EFCAB14: variants seen among roughly 807,000 people sequenced by gnomAD.
EFCAB14 encodes EF-hand calcium binding domain 14, also known as EF-hand calcium-binding domain-containing protein 14.
In EFCAB14, 43 loss-of-function variants were observed where a neutral mutation model predicts 56.5. The observed-to-expected ratio is 0.76, with a 90% CI of 0.60 to 0.98. EFCAB14 has a LOEUF of 0.98. Among genes scored for constraint, EFCAB14 ranks in the 50% least tolerant of loss-of-function variants. EFCAB14 has a pLI of 0.00. For missense variants in EFCAB14, 538 were observed against 580.3 expected, an observed-to-expected ratio of 0.93 and a Z score of 0.75; for synonymous variants, 235 against 212.9, an observed-to-expected ratio of 1.10 and a Z score of -0.90.
chr1:46,696,558 A>C lies in EFCAB14; in HGVS notation c.572T>G (p.Leu191Arg). 1 of 1,613,318 alleles carries C rather than the reference A, an allele frequency of 6.2e-7. No individual in the cohort carries two copies. Among genetic ancestry groups the C allele is most frequent in the East Asian group, 2.2e-5 (1 of 44,854 alleles). ...LISLPTTVEG[L>R]QKSVASIGNT... ...CCCACACATGGCACCTACCTTCTGAAGTCCCTCTACAGTGGTAGGCAGGCT... is the reference window on the plus strand; with the variant it reads ...CCCACACATGGCACCTACCTTCTGACGTCCCTCTACAGTGGTAGGCAGGCT... The change falls in exon 4 of 11, where the codon CTT becomes CGT. Residue 191 changes from leucine to arginine, a missense_variant. Physicochemically the swap from Leu to Arg is moderately radical, Grantham distance 102 (BLOSUM62 -2). Coordinates refer to ENST00000371933, the MANE Select transcript of EFCAB14 (RefSeq NM_014774.3).
rs12568734 is a variant in EFCAB14 at position 46,718,867 on chromosome 1, C to T, written c.-780G>A. 9,116 of 152,460 alleles carry T rather than the reference C, an allele frequency of 0.06. 849 individuals are homozygous for T. The highest frequency in any genetic ancestry group is 0.4 in the East Asian group (2,035 of 5,150). The allele number at this position is 152,460 out of a possible 1,614,324, so 9.4% of individuals were successfully genotyped here. ...CGCCCCGCTGTCTGGGCCTTGGGGACACGGTGCCGCGGGCGACGGCGGCTC... is the reference window on the plus strand; with the variant it reads ...CGCCCCGCTGTCTGGGCCTTGGGGATACGGTGCCGCGGGCGACGGCGGCTC... On this transcript the variant is annotated 5_prime_UTR_variant, in exon 1 of 11. Transcript: ENST00000371933.
chr1:46,684,747 ATAC>A, intron 8 of EFCAB14, 145 bp from the exon 9 acceptor site: 1 of 638,888 alleles, frequency 1.6e-6, no homozygotes. Context: ...GAATCAACAT[ATAC>A]TGGTGATGTC....
intron 3 of EFCAB14, among the ~76,000 whole-genome samples, chr1:46,701,096 T>C (rs1334280200): frequency 6.6e-6 from 1 of 152,118 alleles, no homozygotes; most frequent in Non-Finnish European, 1.5e-5. Flanking sequence ...AAACCTTATA[T>C]AAGAATCCAC....
intron 2 of EFCAB14, among the ~76,000 whole-genome samples, chr1:46,711,693 T>G (rs1179906630): frequency 1.3e-5 from 2 of 152,238 alleles, no homozygotes; most frequent in Admixed American, 1.3e-4. Context: ...CAAAAGAATT[T>G]ACCTAGTTCT....
rs140857298 is a variant in EFCAB14, at chr1:46,710,328, T to C, written c.335-2277A>G. 3.9e-5 allele frequency among the ~76,000 whole-genome samples: 6 copies of C among 152,274 alleles called. No homozygotes were observed. The East Asian group carries it at 1.2e-3, about 29-fold the overall frequency. On this transcript the variant is annotated intron_variant, in intron 2 of 10. Coordinates refer to ENST00000371933, the MANE Select transcript of EFCAB14 (RefSeq NM_014774.3). ...ATCCATCATCTCAAACATTTATCAT[T>C]TCTTTGTGTCGGGAATATTTGATAT...
At chr1:46,679,445 C>T (rs1179591608) in intron 10 of EFCAB14, among the ~76,000 whole-genome samples, 8 of 151,224 alleles carry the variant, frequency 5.3e-5, no homozygotes, top group Admixed American at 6.6e-5. Context: ...GGATTACAGG[C>T]GCCCGCCACC....
At chr1:46,679,859 A>G (rs1676763875) in intron 10 of EFCAB14, among the ~76,000 whole-genome samples, 1 of 151,908 alleles carries the variant, frequency 6.6e-6, no homozygotes, top group African/African-American at 2.4e-5. Context: ...TGCCCACCTC[A>G]GCCTCCCCAA....
intron 3 of EFCAB14, 88 bp downstream of exon 3, chr1:46,707,818 C>T: frequency 7.5e-7 from 1 of 1,334,522 alleles, no homozygotes; most frequent in Non-Finnish European, 1.0e-6. Flanking sequence ...AATGAATTCC[C>T]TATACCTACA....
intron 2 of EFCAB14, among the ~76,000 whole-genome samples, chr1:46,715,350 C>T (rs3766215): frequency 0.24 from 37,015 of 152,080 alleles, 4,863 homozygotes; most frequent in East Asian, 0.35. Flanking sequence ...TCAGCTCTGT[C>T]ATACTTAATC....
chr1:46,711,809 T>G (rs1351583330), intron 2 of EFCAB14, among the ~76,000 whole-genome samples: 3 of 152,204 alleles, frequency 2.0e-5, no homozygotes. Flanking sequence ...ATACAATGTC[T>G]TTCCAGTTTG....
Position 46,688,204 on chromosome 1 carries a change from T to C in EFCAB14, c.987+149A>G. On this transcript the variant is annotated intron_variant, in intron 7 of 10. Transcript: ENST00000371933. ...CACATCACACAGCTAGTGTGAGGATTAAATGAGACAACACATTGTGAGGAT... is the reference window on the plus strand; with the variant it reads ...CACATCACACAGCTAGTGTGAGGATCAAATGAGACAACACATTGTGAGGAT... 4 of 750,050 alleles carry C rather than the reference T, an allele frequency of 5.3e-6. 1 individual carries two copies. In the South Asian group the frequency reaches 7.3e-5, roughly 14 times the overall value. The allele number at this position is 750,050 out of a possible 1,614,324, so 46.5% of individuals were successfully genotyped here.
At chr1:46,700,982 A>AGTGTGTGTGTGTGTGT in intron 3 of EFCAB14, among the ~76,000 whole-genome samples, 1 of 75,922 alleles carries the variant, frequency 1.3e-5, no homozygotes, top group East Asian at 5.4e-4. Context: ...AGAGAGAGTG[A>AGTGTGTGTGTGTGTGT]GTGAGTGTGT....
At chr1:46,714,386 G>T (rs1027261279) in intron 2 of EFCAB14, among the ~76,000 whole-genome samples, 1 of 141,042 alleles carries the variant, frequency 7.1e-6, no homozygotes, top group Non-Finnish European at 1.5e-5. Context: ...CCTTTGCTTA[G>T]AAGATTAACC....
chr1:46,688,286 G>T (rs1255449179), intron 7 of EFCAB14, 67 bp downstream of exon 7: 1 of 1,469,014 alleles, frequency 6.8e-7, no homozygotes, highest in Non-Finnish European at 9.4e-7. Context: ...TTCTCAAAAG[G>T]TGGTAGAATG....
Position 46,686,821 on chromosome 1 carries a change from G to C in EFCAB14, c.1037C>G (p.Thr346Ser). ...GATTTTTACTGTATCTGTTCTGTTGGTGACTTGATCCAAAGACTGTCTTTT... is the reference window on the plus strand; with the variant it reads ...GATTTTTACTGTATCTGTTCTGTTGCTGACTTGATCCAAAGACTGTCTTTT... ...TLKRQSLDQVTNRTDTVKIQS... is the reference protein window; with the variant it reads ...TLKRQSLDQVSNRTDTVKIQS... The change falls in exon 8 of 11, where the codon ACC (threonine) becomes AGC (serine). Residue 346 changes from threonine to serine, a missense_variant. Physicochemically the swap from Thr to Ser is moderately conservative, Grantham distance 58 (BLOSUM62 1). Coordinates refer to ENST00000371933, the MANE Select transcript of EFCAB14 (RefSeq NM_014774.3). 1.2e-6 allele frequency: 2 copies of C among 1,613,736 alleles called. No homozygotes were observed. Among genetic ancestry groups the C allele is most frequent in the Non-Finnish European group, 1.7e-6 (2 of 1,179,850 alleles).
intron 3 of EFCAB14, among the ~76,000 whole-genome samples, chr1:46,704,762 A>G (rs760301035): frequency 2.2e-4 from 34 of 152,218 alleles, no homozygotes; most frequent in Non-Finnish European, 3.8e-4. Flanking sequence ...GAGACTCCCT[A>G]TAACAGTCAA....
intron 4 of EFCAB14, among the ~76,000 whole-genome samples, chr1:46,695,647 T>C (rs1275935970): frequency 1.3e-5 from 2 of 152,142 alleles, no homozygotes; most frequent in Non-Finnish European, 2.9e-5. Flanking sequence ...GGGGATGATG[T>C]TCTTTATGTT....
chr1:46,709,021 C>T lies in EFCAB14; in HGVS notation c.335-970G>A, dbSNP rs557753985. 2.6e-5 allele frequency among the ~76,000 whole-genome samples: 4 copies of T among 151,774 alleles called. 1 individual carries two copies. The South Asian group carries it at 8.3e-4, about 32-fold the overall frequency. On this transcript the variant is annotated intron_variant, in intron 2 of 10. Coordinates refer to ENST00000371933, the MANE Select transcript of EFCAB14 (RefSeq NM_014774.3). ...AAAACTAAAAACTGGCATAAAAGAC[C>T]CATATAAAATAACTTCCTAAAATGT...
intron 2 of EFCAB14, 64 bp from the exon 3 acceptor site, chr1:46,708,115 AAAATCATCAAAC>A: frequency 6.9e-7 from 1 of 1,446,636 alleles, no homozygotes; most frequent in East Asian, 2.4e-5. Flanking sequence ...CTAAGATGAA[AAAATCATCAAAC>A]AGTAGGAAAG....
Sources: gnomAD v4.1 joint callset for allele counts (sites outside exome capture counted in the v4.1 genomes callset) on GRCh38, gnomAD v4.1.1 for gene constraint, MANE v1.5 for transcripts, NCBI Gene and HGNC (gene_info 2026-07-23, HGNC 2026-07-21) for gene names.